ARHGAP32: variants seen among roughly 807,000 people sequenced by gnomAD.
ARHGAP32 encodes the protein rho GTPase-activating protein 32.
ARHGAP32 carries 51 observed loss-of-function variants against 186.5 expected under a neutral mutation model. The observed-to-expected ratio is 0.27, with a 90% CI of 0.22 to 0.35. ARHGAP32 has a LOEUF of 0.35. ARHGAP32 is among the 10% of genes least tolerant of loss of function. The pLI, the probability that ARHGAP32 is intolerant of heterozygous loss-of-function variation, is 1.00. For missense variants in ARHGAP32, 2,186 were observed against 2,623.5 expected (o/e 0.83, Z 3.64); for synonymous variants, 950 against 964.3 (o/e 0.99, Z 0.27).
intron 5 of ARHGAP32, among the ~76,000 whole-genome samples, chr11:129,097,367 T>C (rs1408374000): frequency 3.9e-5 from 6 of 152,122 alleles, no homozygotes; most frequent in African/African-American, 1.4e-4. Context: ...ATAGTAGGTT[T>C]ACTAGACAAA....
chr11:129,253,987 G>A (rs1300179874), intron 1 of ARHGAP32, among the ~76,000 whole-genome samples: 2 of 152,104 alleles, frequency 1.3e-5, no homozygotes, highest in Non-Finnish European at 2.9e-5. Context: ...TAATTATGTG[G>A]TGTTAACTGT....
At chr11:129,245,283 G>C (rs1591716237) in intron 1 of ARHGAP32, among the ~76,000 whole-genome samples, 2 of 146,178 alleles carry the variant, frequency 1.4e-5, no homozygotes, top group Admixed American at 7.0e-5. Flanking sequence ...AAAATGATGA[G>C]TTCATGTCCT....
At chr11:129,121,145 A>G (rs1942518044) in intron 5 of ARHGAP32, among the ~76,000 whole-genome samples, 1 of 152,130 alleles carries the variant, frequency 6.6e-6, no homozygotes, top group Admixed American at 6.6e-5. Context: ...TGTAGCAGAT[A>G]GAACATAGGA....
intron 6 of ARHGAP32, among the ~76,000 whole-genome samples, chr11:129,067,104 T>A (rs1441351839): frequency 6.6e-6 from 1 of 152,024 alleles, no homozygotes; most frequent in East Asian, 1.9e-4. Context: ...TTCCTACTGC[T>A]GGTCAAAATC....
intron 1 of ARHGAP32, among the ~76,000 whole-genome samples, chr11:129,211,113 C>T (rs1944574038): frequency 6.6e-6 from 1 of 152,156 alleles, no homozygotes; most frequent in Non-Finnish European, 1.5e-5. Context: ...GCAACCACCA[C>T]CTTTAAAGAT....
At chr11:129,185,090 T>C (rs1171560587) in intron 1 of ARHGAP32, among the ~76,000 whole-genome samples, 1 of 152,198 alleles carries the variant, frequency 6.6e-6, no homozygotes, top group East Asian at 1.9e-4. Flanking sequence ...GACCCAGCCA[T>C]CCCATTACTG....
chr11:129,040,873 CTG>C, intron 11 of ARHGAP32, 53 bp downstream of exon 11: 1 of 1,256,672 alleles, frequency 8.0e-7, no homozygotes, highest in South Asian at 1.3e-5. Context: ...GACAGAAAAT[CTG>C]TGTCTTCAAG....
intron 6 of ARHGAP32, among the ~76,000 whole-genome samples, chr11:129,085,282 T>C (rs559930234): frequency 6.6e-6 from 1 of 152,062 alleles, no homozygotes; most frequent in Non-Finnish European, 1.5e-5. Flanking sequence ...CTACTAATCC[T>C]TCCAAAGTGC....
intron 6 of ARHGAP32, among the ~76,000 whole-genome samples, chr11:129,067,573 C>A (rs1188527295): frequency 6.6e-6 from 1 of 152,064 alleles, no homozygotes; most frequent in Non-Finnish European, 1.5e-5. Flanking sequence ...TGAACTCCTC[C>A]CCTGCACCCC....
At chr11:128,976,078 CAT>C (rs71472082) in intron 20 of ARHGAP32, among the ~76,000 whole-genome samples, 28,449 of 145,622 alleles carry the variant, frequency 0.2, 2,792 homozygotes, top group East Asian at 0.29. Context: ...CTCTGTCTAA[CAT>C]ATATATATAT....
chr11:129,257,705 C>CA (rs5795663), intron 1 of ARHGAP32, among the ~76,000 whole-genome samples: 25,440 of 86,100 alleles, frequency 0.3, 2,433 homozygotes, highest in East Asian at 0.34. Flanking sequence ...AATAATTAAC[C>CA]AAAAAAAAAA....
chr11:129,130,458 G>A (rs907887119), intron 2 of ARHGAP32, among the ~76,000 whole-genome samples: 2 of 150,950 alleles, frequency 1.3e-5, no homozygotes, highest in East Asian at 1.9e-4. Flanking sequence ...TACATTCAAC[G>A]ACATCAAAAT....
At chr11:129,128,733 A>G (rs903032423) in intron 2 of ARHGAP32, among the ~76,000 whole-genome samples, 1 of 151,816 alleles carries the variant, frequency 6.6e-6, no homozygotes, top group East Asian at 1.9e-4. Flanking sequence ...GCAGGCCCGC[A>G]CCGCCACACC....
intron 1 of ARHGAP32, among the ~76,000 whole-genome samples, chr11:129,263,192 G>A (rs949342507): frequency 2.6e-5 from 4 of 152,024 alleles, no homozygotes; most frequent in Non-Finnish European, 4.4e-5. Context: ...ATAATTTTTT[G>A]GACATGACAC....
At chr11:129,014,831 A>T (rs1938252641) in intron 11 of ARHGAP32, among the ~76,000 whole-genome samples, 1 of 152,226 alleles carries the variant, frequency 6.6e-6, no homozygotes, top group African/African-American at 2.4e-5. Context: ...AATACAGGCA[A>T]CTGGATTACA....
intron 5 of ARHGAP32, among the ~76,000 whole-genome samples, chr11:129,094,985 T>C (rs76361128): frequency 4.6e-5 from 7 of 152,210 alleles, no homozygotes; most frequent in Non-Finnish European, 8.8e-5. Flanking sequence ...CCATTATAAT[T>C]CATACTATAT....
intron 11 of ARHGAP32, among the ~76,000 whole-genome samples, chr11:129,030,906 T>C (rs1939084946): frequency 6.6e-6 from 1 of 152,232 alleles, no homozygotes; most frequent in African/African-American, 2.4e-5. Flanking sequence ...TGTATAAGTA[T>C]GTGGTACTCT....
intron 12 of ARHGAP32, among the ~76,000 whole-genome samples, chr11:128,995,256 G>A (rs941715274): frequency 6.6e-6 from 1 of 152,114 alleles, no homozygotes; most frequent in African/African-American, 2.4e-5. Context: ...GCCCAGGCTG[G>A]AATGCAGTGG....
At chr11:129,093,009 T>C (rs750701806) in intron 6 of ARHGAP32, among the ~76,000 whole-genome samples, 1 of 151,998 alleles carries the variant, frequency 6.6e-6, no homozygotes, top group Non-Finnish European at 1.5e-5. Flanking sequence ...TTAAGTCTCA[T>C]TAAGAACAAG....
Sources: gnomAD v4.1 joint callset for allele counts (sites outside exome capture counted in the v4.1 genomes callset) on GRCh38, gnomAD v4.1.1 for gene constraint, MANE v1.5 for transcripts, NCBI Gene and HGNC (gene_info 2026-07-23, HGNC 2026-07-21) for gene names.